Variants in CHRM3 observed in about 807,000 individuals in gnomAD.
CHRM3 encodes muscarinic acetylcholine receptor M3.
A neutral mutation model predicts 41.8 loss-of-function variants in CHRM3; 11 were observed. That is an observed-to-expected ratio of 0.26 (90% CI 0.17 to 0.44). The LOEUF is 0.44. Among genes scored for constraint, CHRM3 ranks in the 20% least tolerant of loss-of-function variants. The probability of loss-of-function intolerance (pLI) is 1.00; values close to 1 mark genes in which losing one functional copy is unlikely to be tolerated. For missense variants in CHRM3, 571 were observed against 745.4 expected (o/e 0.77, Z 2.72); for synonymous variants, 297 against 301.4 (o/e 0.99, Z 0.15).
intron 2 of CHRM3, among the ~76,000 whole-genome samples, chr1:239,525,199 C>T (rs1351489706): frequency 6.6e-6 from 1 of 152,070 alleles, no homozygotes; most frequent in East Asian, 1.9e-4. Context: ...CCTGTCTCTA[C>T]AAATATTTGT....
intron 5 of CHRM3, among the ~76,000 whole-genome samples, chr1:239,710,597 T>C (rs1199377775): frequency 2.0e-5 from 3 of 152,130 alleles, no homozygotes; most frequent in African/African-American, 7.2e-5. Context: ...TCAGTTAAGC[T>C]TAAATTAGAA....
At chr1:239,891,996 C>T (rs1171644318) in intron 6 of CHRM3, among the ~76,000 whole-genome samples, 4 of 152,180 alleles carry the variant, frequency 2.6e-5, no homozygotes, top group African/African-American at 7.2e-5. Flanking sequence ...CCTAGGGTCC[C>T]TTTGACCAAG....
intron 4 of CHRM3, among the ~76,000 whole-genome samples, chr1:239,671,604 C>T (rs970875607): frequency 6.6e-6 from 1 of 152,022 alleles, no homozygotes; most frequent in African/African-American, 2.4e-5. Flanking sequence ...TGCAGCTTTT[C>T]CTTCTCACAT....
intron 1 of CHRM3, among the ~76,000 whole-genome samples, chr1:239,404,012 A>AGAGAGAGAGAGAGAGG (rs1200482937): frequency 6.8e-6 from 1 of 146,096 alleles, no homozygotes; most frequent in Non-Finnish European, 1.5e-5. Context: ...AGAGAGAGAG[A>AGAGAGAGAGAGAGAGG]GATACCTGGC....
At chr1:239,878,149 C>G (rs1374227016) in intron 6 of CHRM3, among the ~76,000 whole-genome samples, 1 of 151,880 alleles carries the variant, frequency 6.6e-6, no homozygotes. Context: ...TTCGGCCTCC[C>G]AAAGTGTTTA....
At chr1:239,516,934 T>A (rs1669311733) in intron 2 of CHRM3, among the ~76,000 whole-genome samples, 1 of 152,198 alleles carries the variant, frequency 6.6e-6, no homozygotes, top group Non-Finnish European at 1.5e-5. Context: ...ACTGGTGATC[T>A]GTCACTGTCT....
intron 3 of CHRM3, among the ~76,000 whole-genome samples, chr1:239,602,260 G>A (rs1003217083): frequency 2.6e-5 from 4 of 151,618 alleles, no homozygotes; most frequent in East Asian, 1.9e-4. Context: ...TCAGCCTCCC[G>A]AGTAATAAAA....
intron 5 of CHRM3, among the ~76,000 whole-genome samples, chr1:239,711,418 AC>A (rs745782798): frequency 1.3e-5 from 2 of 151,778 alleles, no homozygotes; most frequent in Non-Finnish European, 2.9e-5. Flanking sequence ...GGCCACCCAG[AC>A]CCCCCATTCC....
intron 6 of CHRM3, among the ~76,000 whole-genome samples, chr1:239,854,957 T>C (rs1674985163): frequency 1.3e-5 from 2 of 152,202 alleles, no homozygotes; most frequent in African/African-American, 2.4e-5. Flanking sequence ...TGTCATGTCT[T>C]TCTTTCACTG....
intron 4 of CHRM3, among the ~76,000 whole-genome samples, chr1:239,639,343 A>T (rs1670838363): frequency 6.6e-6 from 1 of 152,180 alleles, no homozygotes; most frequent in African/African-American, 2.4e-5. Flanking sequence ...GAATCTATAA[A>T]TTACCTTGGA....
At chr1:239,703,057 G>C (rs1358595836) in intron 5 of CHRM3, 1 of 152,064 alleles carries the variant, frequency 6.6e-6, no homozygotes, top group Non-Finnish European at 1.5e-5. Flanking sequence ...TATTGATTAG[G>C]CCCCCCAACT....
chr1:239,773,212 A>G (rs1385835656), intron 5 of CHRM3, among the ~76,000 whole-genome samples: 1 of 152,176 alleles, frequency 6.6e-6, no homozygotes, highest in Non-Finnish European at 1.5e-5. Context: ...CTGCTGTACC[A>G]CCGAAAGGTT....
intron 1 of CHRM3, among the ~76,000 whole-genome samples, chr1:239,424,138 C>G (rs1037059895): frequency 6.6e-6 from 1 of 151,222 alleles, no homozygotes; most frequent in African/African-American, 2.4e-5. Context: ...AGAGGCTATT[C>G]TTTTAGTTGC....
intron 1 of CHRM3, among the ~76,000 whole-genome samples, chr1:239,473,529 G>A (rs1030117191): frequency 3.3e-5 from 5 of 152,038 alleles, no homozygotes; most frequent in African/African-American, 1.2e-4. Flanking sequence ...TAATTTGGAG[G>A]GTAGTTTAGC....
At chr1:239,588,965 G>A (rs916858468) in intron 3 of CHRM3, among the ~76,000 whole-genome samples, 4 of 151,288 alleles carry the variant, frequency 2.6e-5, no homozygotes, top group East Asian at 3.9e-4. Flanking sequence ...ACGGAGTCTC[G>A]CTCTGTCCCC....
chr1:239,885,047 G>C (rs1677956474), intron 6 of CHRM3, among the ~76,000 whole-genome samples: 1 of 152,136 alleles, frequency 6.6e-6, no homozygotes, highest in Non-Finnish European at 1.5e-5. Flanking sequence ...ATTGGAGTTG[G>C]GAAGGTGGCC....
chr1:239,836,973 TAA>T (rs5782104), intron 6 of CHRM3, among the ~76,000 whole-genome samples: 26 of 135,346 alleles, frequency 1.9e-4, no homozygotes, highest in East Asian at 2.1e-4. Flanking sequence ...GACTCTGTCT[TAA>T]AAAAAAAAAA....
chr1:239,840,296 G>A (rs568033250), intron 6 of CHRM3, among the ~76,000 whole-genome samples: 13 of 152,216 alleles, frequency 8.5e-5, no homozygotes, highest in South Asian at 6.2e-4. Context: ...AAATTAGAGC[G>A]TTAACCCCAT....
chr1:239,644,130 A>T (rs1316552725), intron 4 of CHRM3, among the ~76,000 whole-genome samples: 2 of 152,236 alleles, frequency 1.3e-5, no homozygotes, highest in East Asian at 3.8e-4. Flanking sequence ...ACCTTTTAGT[A>T]TCAAGTATCT....
Sources: allele counts gnomAD v4.1 joint callset (sites outside exome capture counted in the v4.1 genomes callset), GRCh38; gene constraint gnomAD v4.1.1; transcripts MANE v1.5; gene names NCBI Gene and HGNC (gene_info 2026-07-23, HGNC 2026-07-21).